Variants in ADK observed in about 807,000 individuals in gnomAD.
ADK encodes adenosine kinase.
A neutral mutation model predicts 44.7 loss-of-function variants in ADK; 24 were observed. The observed-to-expected ratio is 0.54, with a 90% CI of 0.39 to 0.76. ADK has a LOEUF of 0.76. Among genes scored for constraint, ADK ranks in the 30% least tolerant of loss-of-function variants. ADK has a pLI of 0.00. For synonymous variants in ADK, 128 were observed against 142.6 expected (o/e 0.90, Z 0.73); for missense variants, 321 against 425.1 (o/e 0.76, Z 2.15).
intron 6 of ADK, among the ~76,000 whole-genome samples, chr10:74,463,549 G>C (rs1427334901): frequency 6.6e-6 from 1 of 152,146 alleles, no homozygotes; most frequent in Non-Finnish European, 1.5e-5. Flanking sequence ...GAGCAATGAG[G>C]AGTGGCTGTA....
intron 9 of ADK, among the ~76,000 whole-genome samples, chr10:74,614,042 C>A (rs1436929817): frequency 6.6e-6 from 1 of 152,014 alleles, no homozygotes; most frequent in Non-Finnish European, 1.5e-5. Flanking sequence ...AGCTCATGGT[C>A]CATTTTTAGA....
Position 74,315,164 on chromosome 10 carries a change from G to A in ADK, c.273+419G>A, listed in dbSNP as rs182367089. Among the ~76,000 whole-genome samples, 29 of 151,992 alleles carry A rather than the reference G, an allele frequency of 1.9e-4. 1 individual carries two copies. Among genetic ancestry groups the A allele is most frequent in the Admixed American group, 3.9e-4 (6 of 15,278 alleles). On this transcript the variant is annotated intron_variant, in intron 4 of 10. Transcript: ENST00000539909. ...TAATGTAACTTTCAAAGTTTTTAAC[G>A]TAATTAAACTTTATGGCTTCTTCAT...
At chr10:74,212,349 A>C (rs1843848134) in intron 2 of ADK, among the ~76,000 whole-genome samples, 1 of 152,154 alleles carries the variant, frequency 6.6e-6, no homozygotes, top group Admixed American at 6.5e-5. Flanking sequence ...TTTTATGGTT[A>C]CTCTTTTGCC....
At chr10:74,669,596 C>T (rs953897463) in intron 9 of ADK, among the ~76,000 whole-genome samples, 1 of 152,098 alleles carries the variant, frequency 6.6e-6, no homozygotes, top group Non-Finnish European at 1.5e-5. Context: ...GACTTCTTTG[C>T]AAAACATAAC....
At chr10:74,546,745 T>G (rs1849831768) in intron 7 of ADK, among the ~76,000 whole-genome samples, 1 of 152,106 alleles carries the variant, frequency 6.6e-6, no homozygotes, top group South Asian at 2.1e-4. Context: ...AGAAGAGTGT[T>G]TTATATAATG....
rs191931364 is a variant in ADK at position 74,290,837 on chromosome 10, C to G, written c.195-23830C>G. On this transcript the variant is annotated intron_variant, in intron 3 of 10. Transcript: ENST00000539909. Reference sequence around the variant, plus strand: ...GGCTCTTATAGAATAAAGAGAGACACTGAATTTTCTAATCTTGTGGAAGAG... The same window carrying G: ...GGCTCTTATAGAATAAAGAGAGACAGTGAATTTTCTAATCTTGTGGAAGAG... Among the ~76,000 whole-genome samples the G allele has an allele frequency of 2.0e-5, 3 of 152,152 alleles. No individual in the cohort carries two copies. In the East Asian group the frequency reaches 5.8e-4, roughly 29 times the overall value.
chr10:74,530,501 T>G (rs16931490), intron 7 of ADK: 1 of 152,056 alleles, frequency 6.6e-6, no homozygotes, highest in Non-Finnish European at 1.5e-5. Flanking sequence ...TTAAAAAAAA[T>G]AATACCTTGT....
At chr10:74,163,989 G>A (rs1841970075) in intron 1 of ADK, among the ~76,000 whole-genome samples, 3 of 152,268 alleles carry the variant, frequency 2.0e-5, no homozygotes, top group South Asian at 4.1e-4. Flanking sequence ...CCATTAAGCC[G>A]TAGAAGTGAT....
intron 2 of ADK, among the ~76,000 whole-genome samples, chr10:74,204,420 T>C (rs997282548): frequency 5.9e-5 from 9 of 152,222 alleles, no homozygotes; most frequent in African/African-American, 1.4e-4. Context: ...TAAGTAATTA[T>C]GGGGGACAAT....
intron 6 of ADK, among the ~76,000 whole-genome samples, chr10:74,399,281 A>G (rs1843628394): frequency 6.7e-6 from 1 of 149,148 alleles, no homozygotes; most frequent in East Asian, 2.0e-4. Flanking sequence ...TGCATGTAAT[A>G]TATGGTTTTG....
chr10:74,517,413 G>A (rs1160683684), intron 6 of ADK, among the ~76,000 whole-genome samples: 1 of 152,036 alleles, frequency 6.6e-6, no homozygotes, highest in Non-Finnish European at 1.5e-5. Context: ...AATGAGCTGG[G>A]TGTGGTGGCT....
chr10:74,688,379 C>T (rs1302668675), intron 10 of ADK, among the ~76,000 whole-genome samples: 1 of 152,046 alleles, frequency 6.6e-6, no homozygotes, highest in Non-Finnish European at 1.5e-5. Flanking sequence ...TCTTATTTAC[C>T]AGCGTATCCC....
intron 3 of ADK, among the ~76,000 whole-genome samples, chr10:74,292,067 T>G (rs1847461451): frequency 6.6e-6 from 1 of 152,148 alleles, no homozygotes; most frequent in African/African-American, 2.4e-5. Flanking sequence ...TTTTTTCTTT[T>G]TCTCAAATGT....
intron 1 of ADK, among the ~76,000 whole-genome samples, chr10:74,159,344 T>A (rs1409458118): frequency 6.6e-6 from 1 of 152,248 alleles, no homozygotes; most frequent in Non-Finnish European, 1.5e-5. Context: ...AACCATTTTG[T>A]CAGCAAGCCA....
intron 1 of ADK, among the ~76,000 whole-genome samples, chr10:74,182,125 A>C (rs1447765878): frequency 6.6e-6 from 1 of 152,178 alleles, no homozygotes; most frequent in Non-Finnish European, 1.5e-5. Context: ...TCATATGGAG[A>C]CTAAAATCTG....
intron 4 of ADK, among the ~76,000 whole-genome samples, chr10:74,389,476 G>A (rs1843264778): frequency 6.6e-6 from 1 of 151,834 alleles, no homozygotes; most frequent in Non-Finnish European, 1.5e-5. Flanking sequence ...CAAATTACTT[G>A]TTAAATTTTC....
intron 6 of ADK, among the ~76,000 whole-genome samples, chr10:74,421,789 GC>G (rs1844565019): frequency 6.6e-6 from 1 of 152,182 alleles, no homozygotes. Flanking sequence ...GGACACATGA[GC>G]CAATGTGAAA....
chr10:74,442,563 T>C (rs2133142450), intron 6 of ADK, among the ~76,000 whole-genome samples: 1 of 152,170 alleles, frequency 6.6e-6, no homozygotes, highest in South Asian at 2.1e-4. Flanking sequence ...GGAGAATCGC[T>C]CAAACCCAGG....
At chr10:74,334,381 C>A (rs140266878) in intron 4 of ADK, among the ~76,000 whole-genome samples, 1 of 152,170 alleles carries the variant, frequency 6.6e-6, no homozygotes, top group African/African-American at 2.4e-5. Context: ...TGGTGGATTC[C>A]CTGAGTTCAG....
Sources: allele counts gnomAD v4.1 joint callset (sites outside exome capture counted in the v4.1 genomes callset), GRCh38; gene constraint gnomAD v4.1.1; transcripts MANE v1.5; gene names NCBI Gene and HGNC (gene_info 2026-07-23, HGNC 2026-07-21).